Variants in APC observed in about 807,000 individuals in gnomAD.
APC encodes the protein APC regulator of Wnt signaling pathway, also known as adenomatous polyposis coli protein.
Under a neutral mutation model 247.0 loss-of-function variants are expected in APC, and 72 were observed. The ratio of observed to expected loss-of-function variants is 0.29; its 90% CI spans 0.24 to 0.35. The LOEUF (loss-of-function observed/expected upper bound fraction) is 0.35, where lower values mean the gene tolerates loss of function less well. Among genes scored for constraint, APC ranks in the 10% least tolerant of loss-of-function variants. The pLI is 1.00. For missense variants in APC, 3,400 were observed against 3,360.7 expected, an observed-to-expected ratio of 1.01 and a Z score of -0.29; for synonymous variants, 1,254 against 1,162.5, an observed-to-expected ratio of 1.08 and a Z score of -1.60.
rs1554086003 is a variant in APC at position 112,840,206 on chromosome 5, G to C, written c.4612G>C (p.Glu1538Gln). The C allele has an allele frequency of 1.2e-6, 2 of 1,614,118 alleles. No individual in the cohort carries two copies. Among genetic ancestry groups the C allele is most frequent in the Middle Eastern group, 1.6e-4 (1 of 6,062 alleles). ...VQENDNGNET[E>Q]SEQPKESNEN... is the part of the protein sequence containing the mutation. ...GGAAAATGACAATGGGAATGAAACA[G>C]AATCAGAGCAGCCTAAAGAATCAAA... Residue 1538 changes from glutamate (E) to glutamine (Q), a missense_variant, in exon 16 of 16, where the codon GAA (glutamate) becomes CAA (glutamine). Physicochemically the swap from Glu to Gln is conservative, Grantham distance 29 (BLOSUM62 2). Coordinates refer to ENST00000257430, the MANE Select transcript of APC (RefSeq NM_000038.6). The surrounding 1 kb of genome is among the most constrained non-coding windows in gnomAD (Gnocchi z 4.1).
chr5:112,835,131 G>C lies in APC; in HGVS notation c.1924G>C (p.Val642Leu), dbSNP rs776230690. Residue 642 changes from valine to leucine, a missense_variant, in exon 15 of 16, where the codon GTG becomes CTG. Around this residue, in one of 9 missense-constraint regions of APC, gnomAD observed 184 missense variants for 248.0 expected, o/e 0.74. Coordinates refer to ENST00000257430, the MANE Select transcript of APC (RefSeq NM_000038.6). The part of the protein sequence containing the change: ...IESGGGILRN[V>L]SSLIATNEDH... ...AAGTGGAGGTGGGATATTACGGAAT[G>C]TGTCCAGCTTGATAGCTACAAATGA... 6.2e-7 allele frequency: 1 copy of C among 1,614,092 alleles called. No individual in the cohort carries two copies. The highest frequency in any genetic ancestry group is 8.5e-7 in the Non-Finnish European group (1 of 1,179,980).
intron 1 of APC, 112 bp from the exon 2 acceptor site, chr5:112,754,761 A>C: frequency 9.9e-7 from 1 of 1,007,794 alleles, no homozygotes; most frequent in Non-Finnish European, 1.5e-6. Flanking sequence ...GCATATTAAC[A>C]CAATTCTTCT....
chr5:112,710,638 A>T (rs1750798715), intron 1 of APC, among the ~76,000 whole-genome samples: 1 of 152,298 alleles, frequency 6.6e-6, no homozygotes, highest in African/African-American at 2.4e-5. Flanking sequence ...TGAGTCTGCT[A>T]TGCCACTGTA....
intron 8 of APC, among the ~76,000 whole-genome samples, chr5:112,804,804 G>T (rs1421701543): frequency 6.6e-6 from 1 of 152,034 alleles, no homozygotes; most frequent in African/African-American, 2.4e-5. Context: ...GTTCAACCTG[G>T]GCAACATAGG....
chr5:112,757,095 C>T (rs1159394867), intron 2 of APC, among the ~76,000 whole-genome samples: 1 of 152,054 alleles, frequency 6.6e-6, no homozygotes, highest in Non-Finnish European at 1.5e-5. Flanking sequence ...TGAAACCAAC[C>T]ATAAATTTTA....
At chr5:112,831,399 A>G (rs1163600308) in intron 14 of APC, among the ~76,000 whole-genome samples, 4 of 152,186 alleles carry the variant, frequency 2.6e-5, no homozygotes, top group African/African-American at 9.6e-5. Flanking sequence ...GATATAATGC[A>G]TGGTCAATCT....
intron 1 of APC, among the ~76,000 whole-genome samples, chr5:112,714,307 C>CCTTTCAAAAATA (rs1751032677): frequency 6.6e-6 from 1 of 152,194 alleles, no homozygotes; most frequent in African/African-American, 2.4e-5. Flanking sequence ...ACAGAATTGT[C>CCTTTCAAAAATA]CTTTCAAAAA....
intron 5 of APC, among the ~76,000 whole-genome samples, chr5:112,776,811 A>C (rs1260885349): frequency 5.9e-5 from 9 of 151,990 alleles, no homozygotes; most frequent in Admixed American, 5.9e-4. Flanking sequence ...ACTGCACTCC[A>C]TCCAGCCTGG....
chr5:112,733,642 A>C (rs1449369662), upstream of APC, among the ~76,000 whole-genome samples: 3 of 152,242 alleles, frequency 2.0e-5, no homozygotes, highest in Admixed American at 2.0e-4. Flanking sequence ...GTTTTAGCCT[A>C]GTGAGACCCA....
At position 112,779,872 on chromosome 5, in the gene APC, A is replaced by G. The variant is rs141371913; in HGVS notation, c.532-918A>G. Reference sequence around the variant, plus strand: ...AAGGGTGAGAACTAATCTAACTACAACTGACAACACAATTTGGAGTTCTTG... The same window carrying G: ...AAGGGTGAGAACTAATCTAACTACAGCTGACAACACAATTTGGAGTTCTTG... On this transcript the variant is annotated intron_variant, in intron 5 of 15. Coordinates refer to ENST00000257430, the MANE Select transcript of APC (RefSeq NM_000038.6). Among the ~76,000 whole-genome samples the G allele has an allele frequency of 3.2e-4, 49 of 152,304 alleles. No homozygotes were observed. In the East Asian group the frequency reaches 5.6e-3, roughly 17 times the overall value.
chr5:112,808,316 G>A (rs996438913), intron 8 of APC, among the ~76,000 whole-genome samples: 3 of 152,178 alleles, frequency 2.0e-5, no homozygotes, highest in African/African-American at 7.2e-5. Context: ...TCAGGGTCCA[G>A]ATAAGGTCCA....
chr5:112,761,050 C>T (rs781614100), intron 2 of APC, among the ~76,000 whole-genome samples: 2 of 152,100 alleles, frequency 1.3e-5, no homozygotes, highest in African/African-American at 2.4e-5. Context: ...ACCTCGTGAT[C>T]CACCTGACTC....
chr5:112,809,867 C>T (rs1043890589), intron 8 of APC, among the ~76,000 whole-genome samples: 14 of 152,098 alleles, frequency 9.2e-5, no homozygotes, highest in Admixed American at 9.2e-4. Context: ...CGTGGCAGCG[C>T]GTGCCTGTAA....
At chr5:112,744,112 G>A (rs1315842955) in intron 1 of APC, among the ~76,000 whole-genome samples, 3 of 152,020 alleles carry the variant, frequency 2.0e-5, no homozygotes, top group African/African-American at 4.8e-5. Context: ...AGAGTGCTGG[G>A]ATTACAGGTG....
At chr5:112,802,595 A>G (rs1428983016) in intron 8 of APC, among the ~76,000 whole-genome samples, 5 of 152,156 alleles carry the variant, frequency 3.3e-5, no homozygotes, top group Non-Finnish European at 5.9e-5. Context: ...GATCCATATT[A>G]CACTTACTAC....
chr5:112,746,696 T>G (rs1251838845), intron 1 of APC, among the ~76,000 whole-genome samples: 2 of 152,174 alleles, frequency 1.3e-5, no homozygotes, highest in African/African-American at 4.8e-5. Flanking sequence ...TTTAAAAAAT[T>G]TACTGAAATC....
At chr5:112,721,231 T>C (rs914464386) in intron 1 of APC, among the ~76,000 whole-genome samples, 3 of 152,040 alleles carry the variant, frequency 2.0e-5, no homozygotes, top group Non-Finnish European at 4.4e-5. Flanking sequence ...CTGGCCAACA[T>C]AGTGAAACTC....
intron 1 of APC, among the ~76,000 whole-genome samples, chr5:112,716,817 T>C (rs1751198084): frequency 6.6e-6 from 1 of 152,222 alleles, no homozygotes; most frequent in Admixed American, 6.5e-5. Flanking sequence ...CATTAAAGTC[T>C]AGTTTGAGAT....
intron 8 of APC, among the ~76,000 whole-genome samples, chr5:112,814,468 C>T (rs1762289002): frequency 6.6e-6 from 1 of 152,182 alleles, no homozygotes; most frequent in South Asian, 2.1e-4. Flanking sequence ...TTGTCCTCGA[C>T]TCCCAGCCCC....
Sources: allele counts gnomAD v4.1 joint callset (sites outside exome capture counted in the v4.1 genomes callset), GRCh38; gene constraint gnomAD v4.1.1; regional missense constraint gnomAD v4.1.1; non-coding constraint Gnocchi (gnomAD v3.1); transcripts MANE v1.5; gene names NCBI Gene and HGNC (gene_info 2026-07-23, HGNC 2026-07-21).